The following VPS54 variants were observed in gnomAD, a reference collection of about 807,000 sequenced individuals.
The protein encoded by VPS54 is VPS54 subunit of GARP complex.
A neutral mutation model predicts 121.5 loss-of-function variants in VPS54; 45 were observed. The observed-to-expected ratio is 0.37, with a 90% CI of 0.29 to 0.47. The LOEUF is 0.47. VPS54 is among the 20% of genes least tolerant of loss of function. The pLI is 0.99. For synonymous variants in VPS54, 371 were observed against 385.8 expected, an observed-to-expected ratio of 0.96 and a Z score of 0.45; for missense variants, 1,090 against 1,131.4, an observed-to-expected ratio of 0.96 and a Z score of 0.52.
In VPS54 at chr2:63,955,366, C is replaced by A. The variant is rs936649423; in HGVS notation, c.1011-6203G>T. Reference sequence around the variant, plus strand: ...ATCATTGATTCTTTTTTAATGCAGACTAGAGGTTAGCACTCAGGTATGTGT... The same window carrying A: ...ATCATTGATTCTTTTTTAATGCAGAATAGAGGTTAGCACTCAGGTATGTGT... On this transcript the variant is annotated intron_variant, in intron 7 of 22. Coordinates refer to ENST00000272322, the MANE Select transcript of VPS54 (RefSeq NM_016516.3). 2.6e-5 allele frequency among the ~76,000 whole-genome samples: 4 copies of A among 151,846 alleles called. No homozygotes were observed. The South Asian group carries it at 8.3e-4, about 32-fold the overall frequency.
intron 15 of VPS54, 74 bp downstream of exon 15, chr2:63,919,809 G>C (rs985888883): frequency 2.7e-6 from 3 of 1,098,548 alleles, no homozygotes; most frequent in Non-Finnish European, 3.7e-6. Context: ...GTCAACTAAA[G>C]AAATATTAAG....
chr2:63,915,386 A>C (rs753439035), intron 16 of VPS54, among the ~76,000 whole-genome samples: 24 of 152,208 alleles, frequency 1.6e-4, no homozygotes, highest in Non-Finnish European at 1.5e-4. Flanking sequence ...TAATGATTCA[A>C]GAAAGATGGT....
At chr2:63,996,220 G>C (rs562747186) in intron 1 of VPS54, among the ~76,000 whole-genome samples, 2 of 152,186 alleles carry the variant, frequency 1.3e-5, no homozygotes, top group East Asian at 3.8e-4. Context: ...TGGACAATTT[G>C]TTAGTGCTCC....
chr2:63,924,980 T>C (rs1345823495), intron 12 of VPS54, among the ~76,000 whole-genome samples: 1 of 152,164 alleles, frequency 6.6e-6, no homozygotes, highest in Non-Finnish European at 1.5e-5. Flanking sequence ...CCAGAAAACA[T>C]CTTCAAGTCT....
chr2:63,949,145 A>G lies in VPS54; in HGVS notation c.1029T>C (p.Leu343=). 1 of 1,610,182 alleles carries G rather than the reference A, an allele frequency of 6.2e-7. No individual in the cohort carries two copies. Among genetic ancestry groups the G allele is most frequent in the Admixed American group, 1.7e-5 (1 of 59,576 alleles). Residue 343 remains leucine (L), a synonymous_variant, in exon 8 of 23, where the codon CTT becomes CTC. Coordinates refer to ENST00000272322, the MANE Select transcript of VPS54 (RefSeq NM_016516.3). ...TATCTATCAGTTTTTCTAATTCACA[A>G]AGCTGTGATCCCAAATGCCTAAAAA... The part of the protein sequence containing the change: ...IHSFRHLGSQ[L]CELEKLIDKM...
chr2:63,923,240 C>A (rs958105550), intron 12 of VPS54, among the ~76,000 whole-genome samples: 1 of 151,472 alleles, frequency 6.6e-6, no homozygotes, highest in African/African-American at 2.4e-5. Context: ...GGTGTGAACC[C>A]GGTAGGCAGA....
intron 1 of VPS54, among the ~76,000 whole-genome samples, chr2:64,012,341 T>C (rs1678467054): frequency 6.6e-6 from 1 of 151,974 alleles, no homozygotes; most frequent in African/African-American, 2.4e-5. Flanking sequence ...CTTTCACTTA[T>C]TTATCTTGAA....
At chr2:63,968,206 T>G (rs1320034983) in intron 5 of VPS54, among the ~76,000 whole-genome samples, 1 of 152,124 alleles carries the variant, frequency 6.6e-6, no homozygotes, top group African/African-American at 2.4e-5. Context: ...AAAAATGGAT[T>G]ATACATCTCG....
chr2:64,008,424 A>C (rs987702290), intron 1 of VPS54, among the ~76,000 whole-genome samples: 5 of 152,048 alleles, frequency 3.3e-5, no homozygotes, highest in African/African-American at 1.2e-4. Flanking sequence ...AAAAAAAAAA[A>C]AAAGGAACAA....
At chr2:63,899,423 C>G (rs757568828) in intron 21 of VPS54, 51 bp downstream of exon 21, 1 of 1,510,102 alleles carries the variant, frequency 6.6e-7, no homozygotes, top group Non-Finnish European at 9.1e-7. Flanking sequence ...CAATTCTGTA[C>G]AGATATTGTA....
chr2:63,919,439 T>G (rs1223519773), intron 15 of VPS54, among the ~76,000 whole-genome samples: 1 of 152,134 alleles, frequency 6.6e-6, no homozygotes, highest in Non-Finnish European at 1.5e-5. Context: ...GGACACAAAG[T>G]AGAAGCTAAC....
At chr2:63,996,406 C>T (rs927786173) in intron 1 of VPS54, among the ~76,000 whole-genome samples, 1 of 152,148 alleles carries the variant, frequency 6.6e-6, no homozygotes, top group African/African-American at 2.4e-5. Context: ...ATGTATGTCA[C>T]CTCAGGACCC....
chr2:64,006,648 TCTCA>T (rs753106940), intron 1 of VPS54, among the ~76,000 whole-genome samples: 1 of 121,304 alleles, frequency 8.2e-6, no homozygotes, highest in East Asian at 2.0e-4. Context: ...TTTGAGACAG[TCTCA>T]CTGTCAGCAG....
rs141673653 is a variant in VPS54, at chr2:63,993,843, C to A, written c.-20-9824G>T. Among the ~76,000 whole-genome samples the A allele has an allele frequency of 4.2e-3, 633 of 152,308 alleles. 6 individuals are homozygous for A. Among genetic ancestry groups the A allele is most frequent in the African/African-American group, 0.014 (582 of 41,562 alleles). ...ACTGATGGCTCCAGTAATGGAAATG[C>A]TGGTTATGTAGGTCCTACAAACAAG... On this transcript the variant is annotated intron_variant, in intron 1 of 22. Coordinates refer to ENST00000272322, the MANE Select transcript of VPS54 (RefSeq NM_016516.3).
chr2:63,966,256 T>C (rs1028947197), intron 5 of VPS54, among the ~76,000 whole-genome samples: 3 of 152,226 alleles, frequency 2.0e-5, no homozygotes, highest in Admixed American at 6.5e-5. Flanking sequence ...TACAGGTACA[T>C]ACCAGAGGCA....
At chr2:63,980,226 GT>G (rs1317936388) in intron 3 of VPS54, among the ~76,000 whole-genome samples, 1 of 152,038 alleles carries the variant, frequency 6.6e-6, no homozygotes, top group Non-Finnish European at 1.5e-5. Flanking sequence ...CATACTAATA[GT>G]TTTTGCTCTG....
chr2:63,965,687 C>T, intron 6 of VPS54, 148 bp downstream of exon 6: 1 of 1,098,510 alleles, frequency 9.1e-7, no homozygotes, highest in Non-Finnish European at 1.3e-6. Context: ...GTTAGTTTAT[C>T]AGTTAAGATT....
intron 3 of VPS54, chr2:63,975,451 C>G (rs1294099968): frequency 6.3e-6 from 1 of 159,030 alleles, no homozygotes; most frequent in African/African-American, 2.4e-5. Context: ...AGTCATGCAA[C>G]TGGAGACTAC....
intron 3 of VPS54, among the ~76,000 whole-genome samples, chr2:63,975,815 G>A (rs905132809): frequency 2.0e-5 from 3 of 152,160 alleles, no homozygotes; most frequent in African/African-American, 4.8e-5. Context: ...AAATTCCCCT[G>A]TCTCAATAAA....
Sources: allele counts gnomAD v4.1 joint callset (sites outside exome capture counted in the v4.1 genomes callset), GRCh38; gene constraint gnomAD v4.1.1; transcripts MANE v1.5; gene names NCBI Gene and HGNC (gene_info 2026-07-23, HGNC 2026-07-21).